Variants in PLD5 observed in about 807,000 individuals in gnomAD.
The protein encoded by PLD5 is inactive phospholipase D5.
Under a neutral mutation model 61.1 loss-of-function variants are expected in PLD5, and 36 were observed. That is an observed-to-expected ratio of 0.59 (90% CI 0.45 to 0.78). The LOEUF (loss-of-function observed/expected upper bound fraction) is 0.78, where lower values mean the gene tolerates loss of function less well. Ranked by LOEUF, PLD5 falls within the 30% of genes least tolerant of loss-of-function variation. The pLI is 0.00. For synonymous variants in PLD5, 243 were observed against 242.8 expected, an observed-to-expected ratio of 1.00 and a Z score of -0.01; for missense variants, 515 against 644.4, an observed-to-expected ratio of 0.80 and a Z score of 2.17.
At chr1:242,312,460 T>G (rs1029975286) in intron 2 of PLD5, among the ~76,000 whole-genome samples, 5 of 152,098 alleles carry the variant, frequency 3.3e-5, no homozygotes, top group Admixed American at 1.3e-4. Flanking sequence ...TCAATTTCTC[T>G]AATAGTCTCG....
At position 242,089,926 on chromosome 1, in the gene PLD5, C is replaced by T. The variant is rs770652663; in HGVS notation, c.1539G>A (p.Leu513=). Residue 513 remains leucine, a synonymous_variant, in exon 10 of 10, where the codon CTG becomes CTA. Coordinates refer to ENST00000536534, the MANE Select transcript of PLD5 (RefSeq NM_001372062.1). ...TGTTGGAGAGGGGTTTGAGTTTGAA[C>T]AGGCTTGAGCAGTTCGGCTGTTTGG... The part of the protein sequence containing the change: ...QPTKQPNCSS[L]FKLKPLSNKT... 6.2e-7 allele frequency: 1 copy of T among 1,614,036 alleles called. No individual in the cohort carries two copies.
At chr1:242,518,519 A>G (rs1458702335) in intron 1 of PLD5, among the ~76,000 whole-genome samples, 1 of 152,200 alleles carries the variant, frequency 6.6e-6, no homozygotes, top group African/African-American at 2.4e-5. Flanking sequence ...TATTACAACT[A>G]CTGCCATGTC....
chr1:242,449,357 T>TA (rs1161570228), intron 1 of PLD5: 1 of 1,536,002 alleles, frequency 6.5e-7, no homozygotes, highest in Non-Finnish European at 8.7e-7. Context: ...TTCTTACCAT[T>TA]GCGACCAATC....
chr1:242,096,691 T>G (rs917657499), intron 9 of PLD5, among the ~76,000 whole-genome samples: 16 of 151,546 alleles, frequency 1.1e-4, no homozygotes, highest in Non-Finnish European at 2.2e-4. Context: ...TTGTTTTTTT[T>G]TTTTTTTAGT....
Position 242,220,014 on chromosome 1 carries a change from C to T in PLD5, c.709G>A (p.Gly237Ser), listed in dbSNP as rs552058954. 55 of 1,614,072 alleles carry T rather than the reference C, an allele frequency of 3.4e-5. No homozygotes were observed. The highest frequency in any genetic ancestry group is 2.4e-4 in the South Asian group (22 of 91,076). ...DKQHVYIGSA[G>S]LDWQSLGQMK... is the part of the protein sequence containing the mutation. ...TGTCCCAGGGATTGCCAGTCCAAAC[C>T]GGCACTGCCGATATACACGTGCTGT... Residue 237 changes from glycine to serine, a missense_variant, in exon 5 of 10, where the codon GGT (glycine) becomes AGT (serine). Gly to Ser is a moderately conservative substitution (Grantham distance 56). Coordinates refer to ENST00000536534, the MANE Select transcript of PLD5 (RefSeq NM_001372062.1).
At chr1:242,254,981 A>G (rs1672934687) in intron 4 of PLD5, among the ~76,000 whole-genome samples, 1 of 152,222 alleles carries the variant, frequency 6.6e-6, no homozygotes, top group Non-Finnish European at 1.5e-5. Flanking sequence ...GCCTTCAGGC[A>G]ATCAAGCATG....
At chr1:242,220,670 CT>C (rs530541678) in intron 4 of PLD5, among the ~76,000 whole-genome samples, 3 of 150,426 alleles carry the variant, frequency 2.0e-5, no homozygotes, top group Non-Finnish European at 4.4e-5. Flanking sequence ...GGTTTGGTCT[CT>C]TCTTCATCTT....
At chr1:242,224,093 CACTT>C (rs758942022) in intron 4 of PLD5, among the ~76,000 whole-genome samples, 46 of 152,086 alleles carry the variant, frequency 3.0e-4, no homozygotes, top group Non-Finnish European at 6.3e-4. Context: ...TATAATATGT[CACTT>C]ACTGCATTTA....
At chr1:242,121,386 A>G (rs1406846977) in intron 6 of PLD5, among the ~76,000 whole-genome samples, 1 of 152,212 alleles carries the variant, frequency 6.6e-6, no homozygotes, top group Non-Finnish European at 1.5e-5. Context: ...TATCAATTCC[A>G]GTTGCAGGGT....
At chr1:242,129,556 A>G (rs1300839765) in intron 5 of PLD5, among the ~76,000 whole-genome samples, 3 of 152,238 alleles carry the variant, frequency 2.0e-5, no homozygotes, top group Admixed American at 1.3e-4. Flanking sequence ...GAAAAATAAT[A>G]TAGAGATCTG....
At chr1:242,260,344 C>CT (rs1673311132) in intron 4 of PLD5, among the ~76,000 whole-genome samples, 1 of 131,730 alleles carries the variant, frequency 7.6e-6, no homozygotes. Context: ...GAGACTCCGT[C>CT]TCAAAAAAAA....
At chr1:242,422,883 C>T (rs545494209) in intron 1 of PLD5, among the ~76,000 whole-genome samples, 45 of 143,336 alleles carry the variant, frequency 3.1e-4, no homozygotes, top group Non-Finnish European at 6.0e-4. Context: ...AGGTCTCACT[C>T]TGTTCCCCAG....
intron 5 of PLD5, among the ~76,000 whole-genome samples, chr1:242,191,472 G>A (rs139266252): frequency 7.9e-5 from 12 of 152,186 alleles, no homozygotes; most frequent in African/African-American, 2.4e-4. Flanking sequence ...TGTAATCCCA[G>A]CTACTCGGGA....
intron 5 of PLD5, among the ~76,000 whole-genome samples, chr1:242,210,147 G>C (rs187549980): frequency 2.0e-5 from 3 of 152,300 alleles, no homozygotes; most frequent in East Asian, 3.9e-4. Flanking sequence ...AGTGAGAAAG[G>C]CATGTAGAAA....
At chr1:242,094,128 T>C (rs1279018645) in intron 9 of PLD5, among the ~76,000 whole-genome samples, 1 of 152,106 alleles carries the variant, frequency 6.6e-6, no homozygotes, top group Non-Finnish European at 1.5e-5. Flanking sequence ...TCCAGCTTTT[T>C]TTTTTTGAGA....
Position 242,096,732 on chromosome 1 carries a change from A to T in PLD5, c.1354+3936T>A, listed in dbSNP as rs1373837924. Among the ~76,000 whole-genome samples, 7 of 139,302 alleles carry T rather than the reference A, an allele frequency of 5.0e-5. No homozygotes were observed. In the East Asian group the frequency reaches 8.3e-4, roughly 17 times the overall value. 91.4% of individuals were successfully genotyped at this position (139,302 alleles called of 152,430 possible). On this transcript the variant is annotated intron_variant, in intron 9 of 9. Coordinates refer to ENST00000536534, the MANE Select transcript of PLD5 (RefSeq NM_001372062.1). Reference sequence around the variant, plus strand: ...AAACTGAAAATATTTTACTGTCTGGACTTTTATTTTTTATTTTTATTTTTA... The same window carrying T: ...AAACTGAAAATATTTTACTGTCTGGTCTTTTATTTTTTATTTTTATTTTTA...
intron 3 of PLD5, among the ~76,000 whole-genome samples, chr1:242,270,445 C>T (rs1470856172): frequency 2.0e-5 from 3 of 152,144 alleles, no homozygotes; most frequent in South Asian, 2.1e-4. Context: ...GGCAGTCAGG[C>T]CTAGAACATA....
chr1:242,292,434 T>C (rs931648343), intron 2 of PLD5, among the ~76,000 whole-genome samples: 1 of 152,134 alleles, frequency 6.6e-6, no homozygotes, highest in Non-Finnish European at 1.5e-5. Context: ...AGGGGAGGAA[T>C]ATAGTATAAT....
At chr1:242,168,846 G>GTTTTTTTT (rs34280777) in intron 5 of PLD5, among the ~76,000 whole-genome samples, 12,043 of 110,654 alleles carry the variant, frequency 0.11, 1,442 homozygotes, top group East Asian at 0.37. Context: ...AATTAATGAA[G>GTTTTTTTT]TTTTTTTTTT....
Sources: allele counts gnomAD v4.1 joint callset (sites outside exome capture counted in the v4.1 genomes callset), GRCh38; gene constraint gnomAD v4.1.1; transcripts MANE v1.5; gene names NCBI Gene and HGNC (gene_info 2026-07-23, HGNC 2026-07-21).